The following CYB5R3 variants were observed in gnomAD, a reference collection of about 807,000 sequenced individuals.
CYB5R3 encodes the protein NADH-cytochrome b5 reductase 3.
Under a neutral mutation model 36.5 loss-of-function variants are expected in CYB5R3, and 28 were observed. The ratio of observed to expected loss-of-function variants is 0.77; its 90% CI spans 0.57 to 1.05. CYB5R3 has a LOEUF of 1.05. CYB5R3 is among the 50% of genes least tolerant of loss of function. The pLI is 0.00. For missense variants in CYB5R3, 474 were observed against 408.9 expected (o/e 1.16, Z -1.37); for synonymous variants, 181 against 159.8 (o/e 1.13, Z -1.00).
intron 4 of CYB5R3, among the ~76,000 whole-genome samples, 167 bp downstream of exon 4, chr22:42,630,715 C>T (rs949555029): frequency 6.6e-6 from 1 of 152,184 alleles, no homozygotes; most frequent in African/African-American, 2.4e-5. Context: ...GAGAGGGGCT[C>T]TAGAAGCCAC....
intron 1 of CYB5R3, among the ~76,000 whole-genome samples, chr22:42,647,993 G>T (rs1202963204): frequency 6.6e-6 from 1 of 152,234 alleles, no homozygotes; most frequent in Non-Finnish European, 1.5e-5. Context: ...TGGAGACCAG[G>T]GGAAGCTTTA....
chr22:42,634,669 A>G (rs1928793077), intron 2 of CYB5R3, among the ~76,000 whole-genome samples: 1 of 146,490 alleles, frequency 6.8e-6, no homozygotes, highest in African/African-American at 2.6e-5. Flanking sequence ...TCTGTAGCCC[A>G]GGCTGGAGTG....
intron 1 of CYB5R3, among the ~76,000 whole-genome samples, chr22:42,648,375 T>C (rs1929622928): frequency 6.6e-6 from 1 of 152,216 alleles, no homozygotes; most frequent in Admixed American, 6.5e-5. Context: ...AGCTGCCCTC[T>C]GCAGCCGCAG....
In CYB5R3 at chr22:42,618,828, T is replaced by G. The variant is rs750634016; in HGVS notation, c.*945A>C. On this transcript the variant is annotated 3_prime_UTR_variant, in exon 9 of 9. Coordinates refer to ENST00000352397, the MANE Select transcript of CYB5R3 (RefSeq NM_000398.7). ...TAGAGAAGGGTTAATATTAGCAAAG[T>G]TTTACTTTTTTTTTTTCTGCTCATA... 5 of 151,760 alleles carry G rather than the reference T, an allele frequency of 3.3e-5. No homozygotes were observed. Among genetic ancestry groups the G allele is most frequent in the Admixed American group, 6.6e-5 (1 of 15,252 alleles). The allele number at this position is 151,760 out of a possible 1,614,324, so 9.4% of individuals were successfully genotyped here. A position where few individuals can be genotyped will look rare whatever the true frequency, so the allele number is the denominator to read the frequency against.
chr22:42,630,364 C>T (rs534692880), intron 4 of CYB5R3, among the ~76,000 whole-genome samples: 20 of 152,296 alleles, frequency 1.3e-4, no homozygotes, highest in Admixed American at 2.0e-4. Flanking sequence ...ACAGGGCCTG[C>T]GTGTCACAGA....
chr22:42,638,750 A>AAAAAAAAAAAAT, intron 1 of CYB5R3, among the ~76,000 whole-genome samples: 1 of 130,038 alleles, frequency 7.7e-6, no homozygotes, highest in African/African-American at 2.9e-5. Context: ...AAAAAAAAAA[A>AAAAAAAAAAAAT]GGCCGGGCGC....
chr22:42,646,336 C>T (rs1162843187), intron 1 of CYB5R3, among the ~76,000 whole-genome samples: 1 of 152,160 alleles, frequency 6.6e-6, no homozygotes, highest in Non-Finnish European at 1.5e-5. Flanking sequence ...ACCCATCACC[C>T]GCCTCTCCTT....
chr22:42,631,540 C>T, intron 2 of CYB5R3, 90 bp from the exon 3 acceptor site: 1 of 1,113,570 alleles, frequency 9.0e-7, no homozygotes, highest in Middle Eastern at 2.4e-4. Context: ...TCCCATTCCT[C>T]CTTTGTGTCC....
At chr22:42,645,275 T>C (rs1223974740) in intron 1 of CYB5R3, among the ~76,000 whole-genome samples, 1 of 152,052 alleles carries the variant, frequency 6.6e-6, no homozygotes, top group Non-Finnish European at 1.5e-5. Flanking sequence ...TCAACAAATA[T>C]TTGTGGAATG....
intron 1 of CYB5R3, among the ~76,000 whole-genome samples, chr22:42,638,570 G>T (rs1029506715): frequency 1.2e-4 from 17 of 142,986 alleles, no homozygotes; most frequent in Non-Finnish European, 4.5e-5. Context: ...GACCCTAAAA[G>T]TTGGTTAGAA....
At chr22:42,626,759 C>T (rs1188795007) in intron 7 of CYB5R3, among the ~76,000 whole-genome samples, 2 of 152,224 alleles carry the variant, frequency 1.3e-5, no homozygotes, top group African/African-American at 4.8e-5. Flanking sequence ...TTCATCAGCT[C>T]ATTCTACAGA....
chr22:42,622,051 T>G (rs1409553283), intron 8 of CYB5R3, among the ~76,000 whole-genome samples: 3 of 148,890 alleles, frequency 2.0e-5, no homozygotes, highest in African/African-American at 7.4e-5. Context: ...AGCCTCCGAG[T>G]AGCTGGGACT....
chr22:42,637,862 C>G (rs1928979311), intron 1 of CYB5R3, among the ~76,000 whole-genome samples: 2 of 152,190 alleles, frequency 1.3e-5, no homozygotes, highest in African/African-American at 4.8e-5. Flanking sequence ...TTATACCACG[C>G]TGGGATACCT....
intron 5 of CYB5R3, 63 bp from the exon 6 acceptor site, chr22:42,627,751 C>G: frequency 7.8e-7 from 1 of 1,282,200 alleles, no homozygotes; most frequent in Non-Finnish European, 1.1e-6. Flanking sequence ...GCTGGAGAGG[C>G]TGGAGAGGGG....
chr22:42,619,671 C>G lies in CYB5R3; in HGVS notation c.*102G>C. The G allele has an allele frequency of 8.3e-7, 1 of 1,206,090 alleles. No individual in the cohort carries two copies. Among genetic ancestry groups the G allele is most frequent in the Admixed American group, 2.1e-5 (1 of 46,712 alleles). 74.7% of individuals were successfully genotyped at this position (1,206,090 alleles called of 1,614,324 possible). On this transcript the variant is annotated 3_prime_UTR_variant, in exon 9 of 9. Coordinates refer to ENST00000352397, the MANE Select transcript of CYB5R3 (RefSeq NM_000398.7). ...TTCACCAGGGCACGGGCAGGCCAGG[C>G]TGAACCCGGGGCCCCAGTGTGCGAT...
intron 7 of CYB5R3, 56 bp from the exon 8 acceptor site, chr22:42,623,944 G>C: frequency 2.7e-6 from 4 of 1,486,912 alleles, no homozygotes; most frequent in African/African-American, 1.4e-5. Flanking sequence ...TGCCCCTGGA[G>C]ACACTCAACA....
intron 1 of CYB5R3, among the ~76,000 whole-genome samples, chr22:42,638,799 G>T (rs984186610): frequency 1.2e-4 from 17 of 145,580 alleles, no homozygotes; most frequent in Admixed American, 7.0e-4. Context: ...TTGGGAGGCT[G>T]AGGCGGGGGG....
chr22:42,638,014 G>C (rs1030940320), intron 1 of CYB5R3, among the ~76,000 whole-genome samples: 1 of 152,166 alleles, frequency 6.6e-6, no homozygotes, highest in Admixed American at 6.5e-5. Context: ...TCTGAGAGGC[G>C]GAGGCAGGTG....
chr22:42,629,616 G>C (rs1928502974), intron 4 of CYB5R3, among the ~76,000 whole-genome samples: 1 of 152,200 alleles, frequency 6.6e-6, no homozygotes, highest in Non-Finnish European at 1.5e-5. Context: ...TTCAGATCCA[G>C]TGCCTGCCCC....
Sources: gnomAD v4.1 joint callset for allele counts (sites outside exome capture counted in the v4.1 genomes callset) on GRCh38, gnomAD v4.1.1 for gene constraint, MANE v1.5 for transcripts, NCBI Gene and HGNC (gene_info 2026-07-23, HGNC 2026-07-21) for gene names.